Variants in RANBP2 observed in about 807,000 individuals in gnomAD.
The protein encoded by RANBP2 is E3 SUMO-protein ligase RanBP2.
RANBP2 carries 57 observed loss-of-function variants against 303.6 expected under a neutral mutation model. The ratio of observed to expected loss-of-function variants is 0.19; its 90% CI spans 0.15 to 0.23. The LOEUF (loss-of-function observed/expected upper bound fraction) is 0.23. RANBP2 is among the 10% of genes least tolerant of loss of function. The probability of loss-of-function intolerance (pLI) is 1.00; values close to 1 mark genes in which losing one functional copy is unlikely to be tolerated. For missense variants in RANBP2, 3,138 were observed against 3,780.8 expected (o/e 0.83, Z 4.46); for synonymous variants, 1,167 against 1,301.5 (o/e 0.90, Z 2.23).
At chr2:109,406,834 C>A in the RANBP2 span, among the ~76,000 whole-genome samples, 1 of 152,102 alleles carries the variant, frequency 6.6e-6, no homozygotes, top group African/African-American at 2.4e-5. Context: ...TCTGCTCATG[C>A]GCATTTCAGT....
At chr2:109,581,068 T>C in the RANBP2 span, among the ~76,000 whole-genome samples, 1 of 152,366 alleles carries the variant, frequency 6.6e-6, no homozygotes, top group South Asian at 2.1e-4. Context: ...ACTACGGCCA[T>C]TTCCTATATT....
downstream of RANBP2, chr2:108,786,785 C>T (rs771557786): frequency 1.3e-6 from 2 of 1,541,690 alleles, no homozygotes; most frequent in Non-Finnish European, 1.8e-6. Flanking sequence ...GTTTGATGAA[C>T]GCGGTTCCCG....
At chr2:109,186,027 G>A in the RANBP2 span, among the ~76,000 whole-genome samples, 8 of 152,210 alleles carry the variant, frequency 5.3e-5, no homozygotes, top group African/African-American at 1.9e-4. Context: ...TATTCCCTTA[G>A]TCACTGGGAT....
chr2:109,201,410 C>T, the RANBP2 span, among the ~76,000 whole-genome samples: 13 of 152,232 alleles, frequency 8.5e-5, no homozygotes, highest in Non-Finnish European at 1.9e-4. Context: ...CCGGATCTCT[C>T]TGTCTCCAGG....
chr2:109,560,374 C>T, the RANBP2 span, among the ~76,000 whole-genome samples: 2 of 152,262 alleles, frequency 1.3e-5, no homozygotes, highest in East Asian at 3.9e-4. Context: ...TGTCAAGTTC[C>T]AAGACGTGAC....
the RANBP2 span, among the ~76,000 whole-genome samples, chr2:109,273,299 C>G: frequency 6.6e-6 from 1 of 152,224 alleles, no homozygotes; most frequent in Non-Finnish European, 1.5e-5. Flanking sequence ...ACTCAGGGCC[C>G]TGGAGGCAGA....
the RANBP2 span, among the ~76,000 whole-genome samples, chr2:108,880,413 A>G: frequency 6.6e-6 from 1 of 152,186 alleles, no homozygotes; most frequent in Non-Finnish European, 1.5e-5. Flanking sequence ...AGTACCAACT[A>G]ACTTTCTCCC....
the RANBP2 span, among the ~76,000 whole-genome samples, chr2:109,593,381 T>C: frequency 2.0e-5 from 3 of 151,318 alleles, no homozygotes; most frequent in Non-Finnish European, 4.4e-5. Context: ...ATTAGTAAAC[T>C]TCCATTTACA....
At chr2:109,669,121 G>A in the RANBP2 span, among the ~76,000 whole-genome samples, 42 of 151,822 alleles carry the variant, frequency 2.8e-4, 1 homozygote, top group South Asian at 1.1e-3. Flanking sequence ...ATGGGGAAAC[G>A]TCATGCACAA....
chr2:109,581,523 T>C, the RANBP2 span, among the ~76,000 whole-genome samples: 1 of 148,296 alleles, frequency 6.7e-6, no homozygotes, highest in Non-Finnish European at 1.5e-5. Context: ...TAAAGAAAGG[T>C]CTGGGAAAAA....
chr2:109,614,958 T>C, the RANBP2 span: 2 of 1,526,654 alleles, frequency 1.3e-6, no homozygotes, highest in East Asian at 2.5e-5. Flanking sequence ...CAGGAAGAAC[T>C]CGCGGCGCGA....
At chr2:109,241,867 G>A in the RANBP2 span, among the ~76,000 whole-genome samples, 3 of 151,434 alleles carry the variant, frequency 2.0e-5, no homozygotes, top group Non-Finnish European at 4.4e-5. Context: ...CCGGGTTCAC[G>A]CCATTCTCCT....
chr2:109,467,939 T>G, the RANBP2 span, among the ~76,000 whole-genome samples: 15 of 152,148 alleles, frequency 9.9e-5, no homozygotes, highest in Non-Finnish European at 1.9e-4. Context: ...GTGAACATGC[T>G]CCACCTCCAT....
the RANBP2 span, among the ~76,000 whole-genome samples, chr2:109,126,375 G>T: frequency 6.6e-6 from 1 of 152,340 alleles, no homozygotes; most frequent in African/African-American, 2.4e-5. Flanking sequence ...ATGTGGCGGT[G>T]AGCTTCTGGC....
chr2:108,910,617 G>A, the RANBP2 span: 1 of 1,407,842 alleles, frequency 7.1e-7, no homozygotes, highest in Non-Finnish European at 1.0e-6. Flanking sequence ...TCTTCCTGTT[G>A]GGCAGAGCTG....
chr2:108,853,246 A>G, the RANBP2 span, among the ~76,000 whole-genome samples: 27 of 152,302 alleles, frequency 1.8e-4, no homozygotes, highest in Admixed American at 1.2e-3. Flanking sequence ...ATTCCCTGCA[A>G]TAACTATGAG....
At chr2:109,065,863 G>A in the RANBP2 span, among the ~76,000 whole-genome samples, 2 of 152,182 alleles carry the variant, frequency 1.3e-5, no homozygotes, top group African/African-American at 4.8e-5. Context: ...AGGCAACAAA[G>A]TGAGGTGATG....
chr2:109,370,527 C>G, the RANBP2 span, among the ~76,000 whole-genome samples: 1 of 152,182 alleles, frequency 6.6e-6, no homozygotes, highest in Non-Finnish European at 1.5e-5. Flanking sequence ...GCATGAGCCA[C>G]CGCGCCCGGC....
chr2:109,327,635 C>T, the RANBP2 span, among the ~76,000 whole-genome samples: 1 of 152,114 alleles, frequency 6.6e-6, no homozygotes, highest in South Asian at 2.1e-4. Flanking sequence ...TTATTTAGGC[C>T]ATCTTTAATA....
Sources: allele counts gnomAD v4.1 joint callset (sites outside exome capture counted in the v4.1 genomes callset), GRCh38; gene constraint gnomAD v4.1.1; transcripts MANE v1.5; gene names NCBI Gene and HGNC (gene_info 2026-07-23, HGNC 2026-07-21).